PRC1: variants seen among roughly 807,000 people sequenced by gnomAD.
PRC1 encodes the protein protein regulator of cytokinesis 1.
In PRC1, 54 loss-of-function variants were observed where a neutral mutation model predicts 91.2. The observed-to-expected ratio is 0.59, with a 90% confidence interval of 0.48 to 0.74. PRC1 has a LOEUF of 0.74. PRC1 is among the 30% of genes least tolerant of loss of function. PRC1 has a pLI of 0.00. For missense variants in PRC1, 727 were observed against 746.2 expected (o/e 0.97, Z 0.30); for synonymous variants, 275 against 263.6 (o/e 1.04, Z -0.42).
chr15:90,994,444 C>A lies in PRC1; in HGVS notation c.-27G>T, dbSNP rs2040178316. On this transcript the variant is annotated 5_prime_UTR_variant, in exon 1 of 15. Transcript: ENST00000394249. ...GCGGACGCTCCAAGCAGCCGTGAGT[C>A]CAGGTCCAGACCTACTCCACACGGC... The A allele has an allele frequency of 6.2e-7, 1 of 1,610,154 alleles. No homozygotes were observed. Among genetic ancestry groups the A allele is most frequent in the African/African-American group, 1.3e-5 (1 of 74,582 alleles).
Position 90,969,025 on chromosome 15 carries a change from C to A in PRC1, c.1791+54G>T. On this transcript the variant is annotated intron_variant, in intron 14 of 14. Coordinates refer to ENST00000394249, the MANE Select transcript of PRC1 (RefSeq NM_003981.4). ...AGCCCTGTGCCCAGATGAATGAAGC[C>A]AGCAGATGACAGATCAGTTTGGAAA... is the stretch of plus-strand genomic sequence containing the variant. The A allele has an allele frequency of 2.5e-6, 4 of 1,613,298 alleles. No individual in the cohort carries two copies. The Admixed American group carries it at 6.7e-5, about 27-fold the overall frequency.
Position 90,981,608 on chromosome 15 carries a change from A to C in PRC1, c.563T>G (p.Leu188Ter). Residue 188 changes from leucine to a stop codon, truncating the protein, a stop_gained, in exon 5 of 15, where the codon TTA (leucine) becomes TGA (stop). Transcript: ENST00000394249. LOFTEE classifies it high-confidence loss of function. ...KRQIILCMEA[L>*]DHTPDTSFER... is the part of the protein sequence containing the mutation. Reference sequence around the variant, plus strand: ...AAAGCTTGTGTCTGGGGTGTGGTCTAATGCTTCCATACACAGTATGATCTG... The same window carrying C: ...AAAGCTTGTGTCTGGGGTGTGGTCTCATGCTTCCATACACAGTATGATCTG... 1 of 1,614,002 alleles carries C rather than the reference A, an allele frequency of 6.2e-7. No individual in the cohort carries two copies. The highest frequency in any genetic ancestry group is 2.2e-5 in the East Asian group (1 of 44,880).
At chr15:90,967,420 T>G in intron 14 of PRC1, 1 of 547,104 alleles carries the variant, frequency 1.8e-6, no homozygotes, top group Non-Finnish European at 3.3e-6. Flanking sequence ...CCGTGACCCC[T>G]TTTTCCTCAG....
At chr15:90,975,201 G>A (rs2038566694) in intron 9 of PRC1, among the ~76,000 whole-genome samples, 1 of 152,158 alleles carries the variant, frequency 6.6e-6, no homozygotes, top group Non-Finnish European at 1.5e-5. Context: ...CACCTCCCGG[G>A]TTCAAGCGAT....
intron 1 of PRC1, among the ~76,000 whole-genome samples, chr15:90,990,807 C>G (rs551763658): frequency 2.6e-4 from 39 of 151,420 alleles, no homozygotes; most frequent in African/African-American, 9.5e-4. Flanking sequence ...GAGACAGAGT[C>G]TCAGTCTGGC....
chr15:90,976,674 A>G lies in PRC1; in HGVS notation c.1203+2T>C, dbSNP rs769551925. The G allele has an allele frequency of 6.2e-7, 1 of 1,604,230 alleles. No homozygotes were observed. The highest frequency in any genetic ancestry group is 1.3e-5 in the African/African-American group (1 of 74,764). ...ATCAAAAACCCTTAGCAACATTATT[A>G]CCTTGGGCAGCATTTTCTGGAGCTT... On this transcript the variant is annotated splice_donor_variant, in intron 9 of 14. Coordinates refer to ENST00000394249, the MANE Select transcript of PRC1 (RefSeq NM_003981.4). LOFTEE classifies it high-confidence loss of function.
chr15:90,971,798 C>T (rs775447801), intron 11 of PRC1, among the ~76,000 whole-genome samples: 36 of 151,558 alleles, frequency 2.4e-4, no homozygotes, highest in Middle Eastern at 3.2e-3. Context: ...GAGGCTGGGG[C>T]GGGCAGATCT....
At chr15:90,994,275 C>A in intron 1 of PRC1, 132 bp downstream of exon 1, 2 of 1,417,760 alleles carry the variant, frequency 1.4e-6, no homozygotes, top group Non-Finnish European at 1.9e-6. Flanking sequence ...CGCCCCCGGC[C>A]TCCCTCGGCG....
At chr15:90,969,315 A>C (rs372099341) in intron 13 of PRC1, 132 bp downstream of exon 13, 2 of 1,303,896 alleles carry the variant, frequency 1.5e-6, no homozygotes, top group East Asian at 4.8e-5. Context: ...GCCATGGTCA[A>C]AGCAGGAAAG....
rs2037541474 is a variant in PRC1, at chr15:90,966,907, A to C, written c.*224T>G. On this transcript the variant is annotated 3_prime_UTR_variant, in exon 15 of 15. Coordinates refer to ENST00000394249, the MANE Select transcript of PRC1 (RefSeq NM_003981.4). The stretch of plus-strand genomic sequence containing the variant: ...GCTAAAATTTGCACTTCTTGCCATA[A>C]ACTTTTCATGTATATAAGTCAAAAC... The C allele has an allele frequency of 1.7e-6, 1 of 572,310 alleles. No individual in the cohort carries two copies. Among genetic ancestry groups the C allele is most frequent in the Admixed American group, 3.1e-5 (1 of 32,384 alleles). The allele number at this position is 572,310 out of a possible 1,614,324, so 35.5% of individuals were successfully genotyped here. A position where few individuals can be genotyped will look rare whatever the true frequency, so the allele number is the denominator to read the frequency against.
At position 90,980,241 on chromosome 15, in the gene PRC1, C is replaced by T; in HGVS notation, c.970+1G>A. 2 of 1,609,240 alleles carry T rather than the reference C, an allele frequency of 1.2e-6. No individual in the cohort carries two copies. The highest frequency in any genetic ancestry group is 1.1e-5 in the South Asian group (1 of 90,088). ...ACCAAAGACCTCACTCTTGTACTAA[C>T]CAGCACAGAAAGGGGCAAAAGCTTG... On this transcript the variant is annotated splice_donor_variant, in intron 7 of 14. Transcript: ENST00000394249. LOFTEE classifies it high-confidence loss of function.
Position 90,980,362 on chromosome 15 carries a change from C to A in PRC1, c.850G>T (p.Glu284Ter), listed in dbSNP as rs1359693712. Residue 284 changes from glutamate (E) to a stop codon, truncating the protein, a stop_gained, in exon 7 of 15, where the codon GAA (glutamate) becomes TAA (stop). Transcript: ENST00000394249. LOFTEE classifies it high-confidence loss of function. ...TTCTTCATGTTTTGCATTTTCAGTT[C>A]TTCCAACCGATCCACTTCTAATTGC... The part of the protein sequence containing the change: ...ALQLEVDRLE[E>*]LKMQNMKKVI... 6.2e-7 allele frequency: 1 copy of A among 1,614,074 alleles called. No homozygotes were observed. Among genetic ancestry groups the A allele is most frequent in the South Asian group, 1.1e-5 (1 of 91,058 alleles).
rs772291350 is a variant in PRC1 at position 90,974,212 on chromosome 15, ATC to A, written c.1383_1384del (p.Glu461AspfsTer11). The A allele has an allele frequency of 6.2e-7, 1 of 1,614,198 alleles. No individual in the cohort carries two copies. The highest frequency in any genetic ancestry group is 1.1e-5 in the South Asian group (1 of 91,084). The stretch of plus-strand genomic sequence containing the variant: ...TGTTCGAGGAGCGCTGCCATACAGC[ATC>A]TCTGTCTCTGTCTGTTTTTTGTTCT... On this transcript the variant is annotated frameshift_variant, in exon 11 of 15. Coordinates refer to ENST00000394249, the MANE Select transcript of PRC1 (RefSeq NM_003981.4). LOFTEE classifies it high-confidence loss of function. This position sits in a 1 kb window ranked among gnomAD's most constrained non-coding sequence, Gnocchi z 4.6.
At chr15:90,968,464 A>G (rs1214248428) in intron 14 of PRC1, 3 of 985,426 alleles carry the variant, frequency 3.0e-6, no homozygotes, top group African/African-American at 3.5e-5. Flanking sequence ...ATATTGAGAG[A>G]AGAAATCACA....
In PRC1 at chr15:90,969,494, G is replaced by A. The variant is rs775971570; in HGVS notation, c.1702C>T (p.Arg568Cys). 9 of 1,611,646 alleles carry A rather than the reference G, an allele frequency of 5.6e-6. No individual in the cohort carries two copies. Among genetic ancestry groups the A allele is most frequent in the Admixed American group, 3.4e-5 (2 of 59,400 alleles). ...GCAACAGAATTAATGCTGAAGTTGC[G>A]CTGGAGGGGGGCCGAGCCAGGGTAC... ...GGYPGSAPLQ[R>C]NFSINSVAST... is the part of the protein sequence containing the mutation. Residue 568 changes from arginine (R) to cysteine (C), a missense_variant, in exon 13 of 15, where the codon CGC becomes TGC. Physicochemically the swap from Arg to Cys is radical, Grantham distance 180. Transcript: ENST00000394249.
intron 14 of PRC1, chr15:90,968,008 A>G (rs2037679516): frequency 1.0e-6 from 1 of 985,182 alleles, no homozygotes; most frequent in African/African-American, 1.7e-5. Flanking sequence ...GTAGAGCAGC[A>G]AAAGATAAAG....
Position 90,969,926 on chromosome 15 carries a change from A to T in PRC1, c.1573-303T>A, listed in dbSNP as rs569276219. Among the ~76,000 whole-genome samples, 24 of 151,884 alleles carry T rather than the reference A, an allele frequency of 1.6e-4. No homozygotes were observed. In the South Asian group the frequency reaches 3.7e-3, roughly 24 times the overall value. On this transcript the variant is annotated intron_variant, in intron 12 of 14. Transcript: ENST00000394249. The stretch of plus-strand genomic sequence containing the variant: ...AGCAAAACACTGTCTCTAGAAAAAA[A>T]TTTTTTTTAAATATGAATTCTTGAT...
intron 1 of PRC1, among the ~76,000 whole-genome samples, chr15:90,985,536 A>G (rs1392754937): frequency 1.4e-5 from 2 of 146,106 alleles, no homozygotes; most frequent in Admixed American, 6.8e-5. Context: ...TTGCCATTTT[A>G]TTTAATTAAT....
chr15:90,969,238 G>A (rs2037830759), intron 13 of PRC1, 118 bp from the exon 14 acceptor site: 2 of 1,264,934 alleles, frequency 1.6e-6, no homozygotes, highest in South Asian at 2.5e-5. Flanking sequence ...AAGGATCCAG[G>A]TTAAATGTCT....
Sources: allele counts gnomAD v4.1 joint callset (sites outside exome capture counted in the v4.1 genomes callset), GRCh38; gene constraint gnomAD v4.1.1; non-coding constraint Gnocchi (gnomAD v3.1); transcripts MANE v1.5; gene names NCBI Gene and HGNC (gene_info 2026-07-23, HGNC 2026-07-21).